PIGN: variants seen among roughly 807,000 people sequenced by gnomAD.
PIGN encodes the protein GPI ethanolamine phosphate transferase 1.
In PIGN, 117 loss-of-function variants were observed where a neutral mutation model predicts 125.4. The observed-to-expected ratio is 0.93, with a 90% CI of 0.80 to 1.09. The LOEUF (loss-of-function observed/expected upper bound fraction) is 1.09. PIGN is among the 50% of genes least tolerant of loss of function. PIGN has a pLI of 0.00. For missense variants in PIGN, 1,075 were observed against 1,094.9 expected, an observed-to-expected ratio of 0.98 and a Z score of 0.26; for synonymous variants, 392 against 377.8, an observed-to-expected ratio of 1.04 and a Z score of -0.44.
chr18:62,167,310 G>A (rs1390481170), intron 1 of PIGN, among the ~76,000 whole-genome samples: 1 of 42,762 alleles, frequency 2.3e-5, no homozygotes, highest in African/African-American at 4.2e-5. Context: ...GTGTGTGTGT[G>A]TGTGTGTGTG....
At chr18:62,023,681 G>A (rs1359701830) in intron 23 of PIGN, among the ~76,000 whole-genome samples, 1 of 152,044 alleles carries the variant, frequency 6.6e-6, no homozygotes, top group Admixed American at 6.6e-5. Flanking sequence ...TTTCATCTTC[G>A]TTGGTCAGTT....
intron 28 of PIGN, among the ~76,000 whole-genome samples, chr18:62,079,934 A>T (rs1184066290): frequency 3.9e-5 from 6 of 152,182 alleles, no homozygotes; most frequent in African/African-American, 1.4e-4. Flanking sequence ...TCCCAATAAA[A>T]GTTATTCAAT....
At chr18:62,098,802 C>T (rs2034319089) in intron 22 of PIGN, among the ~76,000 whole-genome samples, 1 of 152,110 alleles carries the variant, frequency 6.6e-6, no homozygotes, top group African/African-American at 2.4e-5. Context: ...GTTTAAAATA[C>T]ATGCCCAGAG....
intron 25 of PIGN, among the ~76,000 whole-genome samples, chr18:62,086,672 A>G (rs2033723467): frequency 6.6e-6 from 1 of 150,486 alleles, no homozygotes; most frequent in Non-Finnish European, 1.5e-5. Context: ...AGTGAAGAGT[A>G]GCAAATCTTT....
chr18:62,070,817 T>C lies in PIGN; in HGVS notation c.2672+1856A>G, dbSNP rs557107774. On this transcript the variant is annotated intron_variant, in intron 30 of 30. Transcript: ENST00000640252. ...TTTAATTAACTAATTAATTAATTTT[T>C]TTTTGATATGGGATATCACTCTGTG... is the stretch of plus-strand genomic sequence containing the variant. 3.9e-5 allele frequency among the ~76,000 whole-genome samples: 6 copies of C among 152,200 alleles called. 1 individual carries two copies. The South Asian group carries it at 1.0e-3, about 26-fold the overall frequency.
At chr18:62,105,785 T>C (rs973995609) in intron 19 of PIGN, among the ~76,000 whole-genome samples, 151 bp from the exon 20 acceptor site, 3 of 152,212 alleles carry the variant, frequency 2.0e-5, no homozygotes, top group African/African-American at 7.2e-5. Flanking sequence ...TCTAGCAGAA[T>C]CAACAGCTAA....
chr18:62,154,389 T>C, intron 7 of PIGN, 156 bp downstream of exon 7: 3 of 517,948 alleles, frequency 5.8e-6, no homozygotes, highest in Admixed American at 4.0e-5. Context: ...TTATTTAGAA[T>C]GTGTAATTTT....
intron 4 of PIGN, among the ~76,000 whole-genome samples, chr18:62,159,807 G>GT (rs57218900): frequency 0.58 from 88,622 of 152,030 alleles, 26,609 homozygotes; most frequent in East Asian, 0.78. Context: ...TTTCATGATG[G>GT]AAGTACTATA....
At chr18:62,125,204 A>T (rs916064839) in intron 14 of PIGN, among the ~76,000 whole-genome samples, 1 of 150,904 alleles carries the variant, frequency 6.6e-6, no homozygotes, top group South Asian at 2.1e-4. Context: ...ACATATGTGT[A>T]TATAAATATA....
chr18:62,075,873 C>T (rs959866796), intron 28 of PIGN: 1 of 152,154 alleles, frequency 6.6e-6, no homozygotes, highest in Non-Finnish European at 1.5e-5. Flanking sequence ...GGTGATGCCA[C>T]TATTTGTTTT....
Position 62,082,731 on chromosome 18 carries a change from C to A in PIGN, c.2518G>T (p.Val840Phe), listed in dbSNP as rs749178593. ...LMMWKILIPF[V>F]LVMCAFEAVQ... The stretch of plus-strand genomic sequence containing the variant: ...GCTTCAAAAGCACACATAACAAGAA[C>A]AAAGGGGATTAAAATCTGTAAAAGA... The change falls in exon 28 of 31, where the codon GTT becomes TTT. Residue 840 changes from valine (V) to phenylalanine (F), a missense_variant. By Grantham distance (50) the Val-to-Phe change is conservative. Transcript: ENST00000640252. 6 of 1,541,230 alleles carry A rather than the reference C, an allele frequency of 3.9e-6. No homozygotes were observed. Among genetic ancestry groups the A allele is most frequent in the Non-Finnish European group, 5.3e-6 (6 of 1,134,068 alleles).
At chr18:62,183,665 G>A (rs1028533476) in intron 1 of PIGN, among the ~76,000 whole-genome samples, 5 of 152,058 alleles carry the variant, frequency 3.3e-5, no homozygotes, top group South Asian at 2.1e-4. Context: ...ACAGCAGGAC[G>A]GGGCATCTCC....
chr18:62,170,222 C>A (rs567363750), intron 1 of PIGN, among the ~76,000 whole-genome samples: 1 of 152,204 alleles, frequency 6.6e-6, no homozygotes, highest in Admixed American at 6.5e-5. Flanking sequence ...CATAATGGTT[C>A]TTAATATATT....
At chr18:62,050,073 A>T (rs1487778130) in intron 30 of PIGN, among the ~76,000 whole-genome samples, 4 of 152,030 alleles carry the variant, frequency 2.6e-5, no homozygotes, top group Admixed American at 2.6e-4. Flanking sequence ...CTGTTTTGGT[A>T]CCAGTATCAT....
intron 23 of PIGN, among the ~76,000 whole-genome samples, chr18:62,031,874 A>G (rs568705934): frequency 5.8e-4 from 88 of 152,250 alleles, no homozygotes; most frequent in African/African-American, 2.0e-3. Context: ...GGCTTGACCA[A>G]TGGAAATTTA....
rs930168746 is a variant in PIGN at position 62,043,179 on chromosome 18, G to C, written c.*2677C>G. 6.6e-6 allele frequency: 1 copy of C among 152,144 alleles called. No individual in the cohort carries two copies. The highest frequency in any genetic ancestry group is 2.4e-5 in the African/African-American group (1 of 41,440). The allele number at this position is 152,144 out of a possible 1,614,324, so 9.4% of individuals were successfully genotyped here. ...CTTCTCCAAATGACAGAGTTGATTA[G>C]CTCCATTCTCTTCAGCCCCCTGACA... On this transcript the variant is annotated 3_prime_UTR_variant, in exon 31 of 31. Transcript: ENST00000640252.
intron 14 of PIGN, among the ~76,000 whole-genome samples, chr18:62,123,701 C>T (rs1428941381): frequency 1.3e-5 from 2 of 152,050 alleles, no homozygotes; most frequent in Non-Finnish European, 2.9e-5. Context: ...CACATCTATT[C>T]AGTTTTTGAA....
intron 25 of PIGN, among the ~76,000 whole-genome samples, chr18:62,086,011 C>T: frequency 6.6e-6 from 1 of 152,174 alleles, no homozygotes; most frequent in East Asian, 1.9e-4. Context: ...AGTTGGTGAG[C>T]TGAGCCTTTA....
chr18:62,096,363 C>G (rs1370414500), intron 22 of PIGN, among the ~76,000 whole-genome samples: 1 of 151,778 alleles, frequency 6.6e-6, no homozygotes, highest in Non-Finnish European at 1.5e-5. Context: ...TGTTTTGTGA[C>G]CTTGAACATG....
Sources: gnomAD v4.1 joint callset for allele counts (sites outside exome capture counted in the v4.1 genomes callset) on GRCh38, gnomAD v4.1.1 for gene constraint, MANE v1.5 for transcripts, NCBI Gene and HGNC (gene_info 2026-07-23, HGNC 2026-07-21) for gene names.